The following SBF2 variants were observed in gnomAD, a reference collection of about 807,000 sequenced individuals.
The protein encoded by SBF2 is myotubularin-related protein 13.
In SBF2, 112 loss-of-function variants were observed where a neutral mutation model predicts 225.2. That is an observed-to-expected ratio of 0.50 (90% CI 0.43 to 0.58). The LOEUF (loss-of-function observed/expected upper bound fraction) is 0.58, where lower values mean the gene tolerates loss of function less well. Among genes scored for constraint, SBF2 ranks in the 20% least tolerant of loss-of-function variants. The pLI is 0.00. For synonymous variants in SBF2, 763 were observed against 773.3 expected (o/e 0.99, Z 0.22); for missense variants, 1,996 against 2,206.2 (o/e 0.90, Z 1.91).
At chr11:10,227,979 T>C (rs1046260098) in intron 1 of SBF2, among the ~76,000 whole-genome samples, 1 of 151,508 alleles carries the variant, frequency 6.6e-6, no homozygotes, top group African/African-American at 2.4e-5. Flanking sequence ...CATTTGTTTG[T>C]ATCCTCTTTT....
chr11:10,134,739 A>T, intron 2 of SBF2, among the ~76,000 whole-genome samples: 1 of 152,288 alleles, frequency 6.6e-6, no homozygotes, highest in East Asian at 1.9e-4. Flanking sequence ...GGTAAGCTGT[A>T]TGGTCTTGGG....
rs910506552 is a variant in SBF2, at chr11:9,807,874, T to A, written c.4443+126A>T. Reference sequence around the variant, plus strand: ...AGTCTACTGCTAAGATTTCAGCATGTCCTGTGGCTGAGTTAATCAGAGTTA... The same window carrying A: ...AGTCTACTGCTAAGATTTCAGCATGACCTGTGGCTGAGTTAATCAGAGTTA... On this transcript the variant is annotated intron_variant, in intron 32 of 39. Coordinates refer to ENST00000256190, the MANE Select transcript of SBF2 (RefSeq NM_030962.4). 4.6e-6 allele frequency: 4 copies of A among 873,146 alleles called. No homozygotes were observed. In the Admixed American group the frequency reaches 8.0e-5, roughly 17 times the overall value. The allele number at this position is 873,146 out of a possible 1,614,324, so 54.1% of individuals were successfully genotyped here. A position where few individuals can be genotyped will look rare whatever the true frequency, so the allele number is the denominator to read the frequency against.
chr11:10,262,351 T>G (rs1176926365), intron 1 of SBF2, among the ~76,000 whole-genome samples: 1 of 152,188 alleles, frequency 6.6e-6, no homozygotes, highest in Non-Finnish European at 1.5e-5. Context: ...GTATTTGAAA[T>G]TTTTCATAAT....
chr11:10,234,495 G>C (rs1246760562), intron 1 of SBF2, among the ~76,000 whole-genome samples: 2 of 152,034 alleles, frequency 1.3e-5, no homozygotes, highest in African/African-American at 4.8e-5. Context: ...ATTTGGGTGA[G>C]TGGCCCAATT....
chr11:9,920,185 T>C (rs1863495366), intron 16 of SBF2, among the ~76,000 whole-genome samples: 1 of 84,754 alleles, frequency 1.2e-5, no homozygotes, highest in South Asian at 3.5e-4. Flanking sequence ...ATACTATATG[T>C]GTGTGTGTGT....
intron 31 of SBF2, chr11:9,808,427 C>T: frequency 3.6e-6 from 2 of 557,490 alleles, no homozygotes; most frequent in South Asian, 2.0e-5. Context: ...TAATCCTTAA[C>T]TGGCCAGTTT....
chr11:10,063,863 A>AGT (rs1222472531), intron 2 of SBF2, among the ~76,000 whole-genome samples: 2 of 150,790 alleles, frequency 1.3e-5, no homozygotes, highest in African/African-American at 4.9e-5. Context: ...ACACACAGAG[A>AGT]GAGAGAGAGA....
chr11:9,848,734 T>C (rs907815182), intron 22 of SBF2, among the ~76,000 whole-genome samples: 3 of 152,272 alleles, frequency 2.0e-5, no homozygotes, highest in African/African-American at 7.2e-5. Context: ...AATTTGTGTA[T>C]AGCAATATGA....
intron 13 of SBF2, among the ~76,000 whole-genome samples, chr11:9,974,056 G>A (rs1490853936): frequency 2.0e-5 from 3 of 152,108 alleles, no homozygotes; most frequent in Non-Finnish European, 2.9e-5. Context: ...TTGTCAAAAC[G>A]TAACTGGACT....
intron 25 of SBF2, among the ~76,000 whole-genome samples, chr11:9,841,368 T>C (rs1856128909): frequency 6.6e-6 from 1 of 152,148 alleles, no homozygotes; most frequent in African/African-American, 2.4e-5. Context: ...AGCGATAATA[T>C]TTTTATGGTT....
chr11:10,160,250 G>A (rs1005944891), intron 2 of SBF2, among the ~76,000 whole-genome samples: 1 of 152,036 alleles, frequency 6.6e-6, no homozygotes, highest in Non-Finnish European at 1.5e-5. Flanking sequence ...GTAAAAAAAA[G>A]TGTTGGTGAA....
chr11:10,289,829 C>G (rs943289984), intron 1 of SBF2, among the ~76,000 whole-genome samples: 2 of 152,176 alleles, frequency 1.3e-5, no homozygotes, highest in East Asian at 3.9e-4. Context: ...ACACCCTCCC[C>G]GCAGCATTGG....
chr11:10,170,902 T>A (rs77592860), intron 2 of SBF2, among the ~76,000 whole-genome samples: 2,213 of 152,244 alleles, frequency 0.015, 28 homozygotes, highest in Non-Finnish European at 0.025. Context: ...TATCTGTAGC[T>A]ACTGTAAATG....
At chr11:10,046,330 A>G (rs1949859660) in intron 2 of SBF2, among the ~76,000 whole-genome samples, 1 of 152,246 alleles carries the variant, frequency 6.6e-6, no homozygotes, top group Admixed American at 6.5e-5. Context: ...ATTTACAGAA[A>G]TAAAAATTAT....
At chr11:9,871,066 CT>C (rs1396731602) in intron 17 of SBF2, among the ~76,000 whole-genome samples, 1 of 151,202 alleles carries the variant, frequency 6.6e-6, no homozygotes, top group Non-Finnish European at 1.5e-5. Context: ...CTAGGCAATA[CT>C]TTTCAGGATA....
upstream of SBF2, among the ~76,000 whole-genome samples, chr11:10,297,400 T>A (rs974059292): frequency 1.3e-5 from 2 of 152,170 alleles, no homozygotes; most frequent in Non-Finnish European, 2.9e-5. Context: ...AAAAAGTTTT[T>A]AATTTTGATA....
intron 1 of SBF2, among the ~76,000 whole-genome samples, chr11:10,257,429 G>A (rs1158968381): frequency 6.6e-6 from 1 of 152,052 alleles, no homozygotes; most frequent in Non-Finnish European, 1.5e-5. Context: ...ACTTTGAGAG[G>A]CCTAAGTGGG....
At chr11:9,846,598 C>T (rs1856565739) in intron 23 of SBF2, among the ~76,000 whole-genome samples, 1 of 152,272 alleles carries the variant, frequency 6.6e-6, no homozygotes, top group Admixed American at 6.5e-5. Context: ...ATAGAACAGC[C>T]ACAGGGCATT....
intron 16 of SBF2, among the ~76,000 whole-genome samples, chr11:9,912,186 G>C (rs952698078): frequency 1.3e-5 from 2 of 150,176 alleles, no homozygotes; most frequent in Admixed American, 1.3e-4. Context: ...ATAGTGGCGG[G>C]TGCCTGTAAT....
Sources: allele counts gnomAD v4.1 joint callset (sites outside exome capture counted in the v4.1 genomes callset), GRCh38; gene constraint gnomAD v4.1.1; transcripts MANE v1.5; gene names NCBI Gene and HGNC (gene_info 2026-07-23, HGNC 2026-07-21).